SOX5: variants seen among roughly 807,000 people sequenced by gnomAD.
SOX5 encodes the protein SRY-box transcription factor 5, also known as transcription factor SOX-5.
Under a neutral mutation model 92.0 loss-of-function variants are expected in SOX5, and 9 were observed. That is an observed-to-expected ratio of 0.10 (90% CI 0.06 to 0.17). The LOEUF (loss-of-function observed/expected upper bound fraction) is 0.17. Among genes scored for constraint, SOX5 ranks in the 10% least tolerant of loss-of-function variants. The pLI, the probability that SOX5 is intolerant of heterozygous loss-of-function variation, is 1.00. For synonymous variants in SOX5, 344 were observed against 336.3 expected (o/e 1.02, Z -0.25); for missense variants, 642 against 944.5 (o/e 0.68, Z 4.20).
At chr12:24,534,267 T>A (rs1041629741) in intron 1 of SOX5, among the ~76,000 whole-genome samples, 5 of 151,820 alleles carry the variant, frequency 3.3e-5, no homozygotes, top group African/African-American at 1.2e-4. Context: ...TTGCTTTTTT[T>A]TTTTTCGGGG....
At chr12:23,799,683 T>C (rs1183567331) in intron 3 of SOX5, among the ~76,000 whole-genome samples, 1 of 152,130 alleles carries the variant, frequency 6.6e-6, no homozygotes, top group Admixed American at 6.6e-5. Context: ...AACTAATACT[T>C]TTTTGCCTCC....
chr12:23,846,692 C>T (rs2096578987), intron 2 of SOX5, among the ~76,000 whole-genome samples: 1 of 152,166 alleles, frequency 6.6e-6, no homozygotes, highest in Non-Finnish European at 1.5e-5. Flanking sequence ...GCTGCCTCTT[C>T]TTGATAATAC....
intron 3 of SOX5, among the ~76,000 whole-genome samples, chr12:23,798,204 G>A (rs924188052): frequency 2.0e-5 from 3 of 151,642 alleles, no homozygotes; most frequent in African/African-American, 7.3e-5. Context: ...AAACATAGGC[G>A]TTTCTATCTT....
chr12:24,373,542 T>C (rs1956952618), intron 1 of SOX5, among the ~76,000 whole-genome samples: 1 of 152,220 alleles, frequency 6.6e-6, no homozygotes, highest in Admixed American at 6.5e-5. Flanking sequence ...CCACAATAAA[T>C]ATATTCTTAT....
At chr12:23,710,412 C>A (rs890391164) in intron 6 of SOX5, among the ~76,000 whole-genome samples, 1 of 152,056 alleles carries the variant, frequency 6.6e-6, no homozygotes, top group South Asian at 2.1e-4. Flanking sequence ...CACAACAGGC[C>A]CCGGTGTGTG....
chr12:24,437,151 G>T (rs1297619386), intron 1 of SOX5, among the ~76,000 whole-genome samples: 1 of 151,352 alleles, frequency 6.6e-6, no homozygotes, highest in African/African-American at 2.4e-5. Flanking sequence ...TCTGCAACCT[G>T]CAGATCAAGC....
At chr12:23,570,260 C>A (rs1040448950) in intron 10 of SOX5, among the ~76,000 whole-genome samples, 1 of 152,084 alleles carries the variant, frequency 6.6e-6, no homozygotes, top group Admixed American at 6.6e-5. Context: ...GATAGGTAGA[C>A]AATTTTTTTA....
chr12:24,422,611 G>C (rs891280261), intron 1 of SOX5, among the ~76,000 whole-genome samples: 53 of 152,302 alleles, frequency 3.5e-4, no homozygotes, highest in African/African-American at 1.2e-3. Context: ...TGGGAATTCT[G>C]CATGTTTCCA....
chr12:24,129,463 C>T (rs536102676), intron 4 of SOX5, among the ~76,000 whole-genome samples: 10 of 152,250 alleles, frequency 6.6e-5, no homozygotes, highest in Middle Eastern at 3.4e-3. Flanking sequence ...TGGGAGTACA[C>T]GTGGTCCATG....
At chr12:24,346,761 T>C (rs930983876) in intron 2 of SOX5, among the ~76,000 whole-genome samples, 6 of 152,076 alleles carry the variant, frequency 3.9e-5, no homozygotes, top group African/African-American at 1.2e-4. Context: ...TTTTCTTTAA[T>C]TGACAAAATT....
intron 3 of SOX5, among the ~76,000 whole-genome samples, chr12:23,826,861 G>A (rs748969293): frequency 2.6e-5 from 4 of 152,176 alleles, no homozygotes; most frequent in Non-Finnish European, 4.4e-5. Context: ...TAACTTATCC[G>A]AAAAGAAAGG....
intron 9 of SOX5, among the ~76,000 whole-genome samples, chr12:23,599,118 T>C (rs1333567411): frequency 6.6e-6 from 1 of 152,216 alleles, no homozygotes; most frequent in Non-Finnish European, 1.5e-5. Flanking sequence ...GGTTCCCTAA[T>C]AGGAGTCATC....
At chr12:23,883,321 C>A (rs1339608509) in intron 2 of SOX5, among the ~76,000 whole-genome samples, 4 of 152,034 alleles carry the variant, frequency 2.6e-5, no homozygotes. Flanking sequence ...ACCAGTAAGA[C>A]TACTGAATCA....
At position 23,578,296 on chromosome 12, in the gene SOX5, A is replaced by G. The variant is rs1949554964; in HGVS notation, c.1165-2458T>C. Among the ~76,000 whole-genome samples, 3 of 149,936 alleles carry G rather than the reference A, an allele frequency of 2.0e-5. No homozygotes were observed. The South Asian group carries it at 6.5e-4, about 32-fold the overall frequency. On this transcript the variant is annotated intron_variant, in intron 9 of 14. Transcript: ENST00000451604. ...CTAGTATGAATGAATACTTCTCAAC[A>G]TGTGGCTCACAGACTAGCACCATAA...
intron 6 of SOX5, among the ~76,000 whole-genome samples, chr12:23,720,750 C>T (rs1233700744): frequency 6.6e-6 from 1 of 152,150 alleles, no homozygotes; most frequent in Non-Finnish European, 1.5e-5. Context: ...AAAAACGTGT[C>T]ATTTACAATT....
At chr12:24,429,650 A>ACACC (rs998939759) in intron 1 of SOX5, among the ~76,000 whole-genome samples, 1 of 151,414 alleles carries the variant, frequency 6.6e-6, no homozygotes, top group Non-Finnish European at 1.5e-5. Context: ...ACACACACAC[A>ACACC]CCCCATGAGC....
intron 2 of SOX5, among the ~76,000 whole-genome samples, chr12:24,333,977 A>G (rs374344654): frequency 6.6e-6 from 1 of 151,814 alleles, no homozygotes; most frequent in African/African-American, 2.4e-5. Flanking sequence ...ATAAAAACCA[A>G]TGGAATCAAC....
intron 2 of SOX5, among the ~76,000 whole-genome samples, chr12:24,299,812 G>A (rs576045766): frequency 6.6e-6 from 1 of 152,194 alleles, no homozygotes; most frequent in East Asian, 1.9e-4. Flanking sequence ...ATTTCTAGTG[G>A]CAAAAAAATG....
At chr12:23,978,345 A>G (rs1348566845) in intron 4 of SOX5, among the ~76,000 whole-genome samples, 2 of 152,244 alleles carry the variant, frequency 1.3e-5, no homozygotes, top group Admixed American at 1.3e-4. Context: ...AAACATATCA[A>G]AGTTTAAAAC....
Sources: allele counts gnomAD v4.1 joint callset (sites outside exome capture counted in the v4.1 genomes callset), GRCh38; gene constraint gnomAD v4.1.1; transcripts MANE v1.5; gene names NCBI Gene and HGNC (gene_info 2026-07-23, HGNC 2026-07-21).